Variants in RAD51B observed in about 807,000 individuals in gnomAD.
RAD51B encodes RAD51 paralog B.
In RAD51B, 38 loss-of-function variants were observed where a neutral mutation model predicts 42.2. The ratio of observed to expected loss-of-function variants is 0.90; its 90% CI spans 0.70 to 1.18. The LOEUF (loss-of-function observed/expected upper bound fraction) is 1.18. Among genes scored for constraint, RAD51B ranks in the 50% most tolerant of loss-of-function variants. The pLI, the probability that RAD51B is intolerant of heterozygous loss-of-function variation, is 0.00. For synonymous variants in RAD51B, 154 were observed against 145.2 expected, an observed-to-expected ratio of 1.06 and a Z score of -0.43; for missense variants, 373 against 400.7, an observed-to-expected ratio of 0.93 and a Z score of 0.59.
At chr14:68,240,598 A>G (rs1005077320) in intron 7 of RAD51B, among the ~76,000 whole-genome samples, 1 of 152,184 alleles carries the variant, frequency 6.6e-6, no homozygotes, top group Non-Finnish European at 1.5e-5. Context: ...TCTTGTTTTC[A>G]TGTGGCCTGA....
chr14:68,161,031 T>C (rs2078628748), intron 7 of RAD51B, among the ~76,000 whole-genome samples: 1 of 152,240 alleles, frequency 6.6e-6, no homozygotes, highest in African/African-American at 2.4e-5. Context: ...GGCTCTTATA[T>C]CGTTGTGTTT....
At chr14:68,157,778 T>C (rs964240238) in intron 7 of RAD51B, among the ~76,000 whole-genome samples, 1 of 152,240 alleles carries the variant, frequency 6.6e-6, no homozygotes, top group Non-Finnish European at 1.5e-5. Flanking sequence ...TTTTTATTTA[T>C]TTGGTTTGTT....
At chr14:68,127,905 T>G (rs996668841) in intron 7 of RAD51B, among the ~76,000 whole-genome samples, 3 of 152,230 alleles carry the variant, frequency 2.0e-5, no homozygotes, top group African/African-American at 7.2e-5. Context: ...CCCCTAGGAA[T>G]GTAAGTTCCC....
chr14:68,354,214 TG>T (rs1331883007), intron 8 of RAD51B, among the ~76,000 whole-genome samples: 5 of 123,526 alleles, frequency 4.0e-5, no homozygotes, highest in African/African-American at 1.7e-4. Context: ...TTTGGTTTTT[TG>T]GTTTTTTTTT....
intron 7 of RAD51B, among the ~76,000 whole-genome samples, chr14:68,241,275 G>A (rs1163460824): frequency 6.6e-6 from 1 of 152,202 alleles, no homozygotes; most frequent in African/African-American, 2.4e-5. Flanking sequence ...GGGCGTGGTG[G>A]CTCACGCCTG....
intron 7 of RAD51B, among the ~76,000 whole-genome samples, chr14:68,006,134 C>G (rs907096648): frequency 5.9e-5 from 9 of 152,162 alleles, no homozygotes; most frequent in Non-Finnish European, 1.0e-4. Flanking sequence ...GGGGATTATA[C>G]TTGAACGTAA....
chr14:67,830,059 C>T (rs2040981162), intron 3 of RAD51B, among the ~76,000 whole-genome samples: 1 of 151,964 alleles, frequency 6.6e-6, no homozygotes, highest in Admixed American at 6.6e-5. Context: ...GATGCAAAGG[C>T]CCTGGGAAGT....
intron 7 of RAD51B, among the ~76,000 whole-genome samples, chr14:68,254,768 T>C (rs2080716115): frequency 6.6e-6 from 1 of 152,222 alleles, no homozygotes; most frequent in Non-Finnish European, 1.5e-5. Flanking sequence ...GAGAAGGGCT[T>C]ATAGGTTTCA....
chr14:68,576,478 T>C (rs1311096450), intron 10 of RAD51B, among the ~76,000 whole-genome samples: 1 of 152,184 alleles, frequency 6.6e-6, no homozygotes, highest in Non-Finnish European at 1.5e-5. Context: ...TGCATAAAGC[T>C]TAAAACCCTT....
At chr14:68,657,400 C>T (rs1417997598) in intron 11 of RAD51B, among the ~76,000 whole-genome samples, 1 of 152,194 alleles carries the variant, frequency 6.6e-6, no homozygotes, top group African/African-American at 2.4e-5. Flanking sequence ...AGACTGGTCT[C>T]GACCTCCAGG....
intron 7 of RAD51B, among the ~76,000 whole-genome samples, chr14:67,958,300 G>T (rs1225621648): frequency 1.3e-5 from 2 of 152,184 alleles, no homozygotes; most frequent in African/African-American, 4.8e-5. Context: ...CAGATTGATT[G>T]AATCTTCTGA....
chr14:68,141,361 T>C lies in RAD51B; in HGVS notation c.757-150523T>C, dbSNP rs540547044. ...AAAAGCTCTATAGGTCTTCAATAAT[T>C]TTTATATTCTTAAAGGGAACCCAAG... On this transcript the variant is annotated intron_variant, in intron 7 of 10. Coordinates refer to ENST00000471583, the MANE Select transcript of RAD51B (RefSeq NM_133510.4). Among the ~76,000 whole-genome samples, 31 of 152,300 alleles carry C rather than the reference T, an allele frequency of 2.0e-4. 1 individual carries two copies. The South Asian group carries it at 5.2e-3, about 25-fold the overall frequency.
downstream of RAD51B, among the ~76,000 whole-genome samples, chr14:68,596,963 G>C (rs372424554): frequency 6.6e-6 from 1 of 152,286 alleles, no homozygotes; most frequent in African/African-American, 2.4e-5. Flanking sequence ...TCTGGTTCAC[G>C]GTGAGATGGC....
chr14:68,187,872 T>A (rs1209410790), intron 7 of RAD51B, among the ~76,000 whole-genome samples: 1 of 152,190 alleles, frequency 6.6e-6, no homozygotes, highest in African/African-American at 2.4e-5. Context: ...TGGAGTGCAG[T>A]GGCGCAATCT....
chr14:68,452,744 A>G (rs189020063), intron 9 of RAD51B, among the ~76,000 whole-genome samples: 2 of 152,268 alleles, frequency 1.3e-5, no homozygotes, highest in African/African-American at 4.8e-5. Context: ...GACGTACCGC[A>G]TTTTTCACTA....
intron 8 of RAD51B, among the ~76,000 whole-genome samples, chr14:68,378,018 G>C (rs1289299073): frequency 6.6e-6 from 1 of 152,072 alleles, no homozygotes; most frequent in Non-Finnish European, 1.5e-5. Context: ...CTTAATCTTA[G>C]GTCTCCTAGA....
chr14:67,845,405 C>T (rs1313445695), intron 4 of RAD51B, among the ~76,000 whole-genome samples: 8 of 152,024 alleles, frequency 5.3e-5, no homozygotes, highest in Admixed American at 4.6e-4. Context: ...TGGTGGCTCA[C>T]GCCTGTAATC....
chr14:68,087,899 TTTATATAA>T (rs2077014376), intron 7 of RAD51B, among the ~76,000 whole-genome samples: 2 of 78,680 alleles, frequency 2.5e-5, no homozygotes, highest in African/African-American at 1.5e-4. Context: ...TAATATATTA[TTTATATAA>T]TTATATAATA....
chr14:68,668,692 G>A (rs549033850), intron 11 of RAD51B, among the ~76,000 whole-genome samples: 4 of 152,294 alleles, frequency 2.6e-5, no homozygotes, highest in South Asian at 4.1e-4. Context: ...CCCCTCTGCC[G>A]CCCGAGTCAT....
Sources: allele counts gnomAD v4.1 joint callset (sites outside exome capture counted in the v4.1 genomes callset), GRCh38; gene constraint gnomAD v4.1.1; transcripts MANE v1.5; gene names NCBI Gene and HGNC (gene_info 2026-07-23, HGNC 2026-07-21).